The following KLHL3 variants were observed in gnomAD, a reference collection of about 807,000 sequenced individuals.
KLHL3 encodes the protein kelch like family member 3.
A neutral mutation model predicts 70.5 loss-of-function variants in KLHL3; 19 were observed. The ratio of observed to expected loss-of-function variants is 0.27; its 90% CI spans 0.19 to 0.40. The LOEUF (loss-of-function observed/expected upper bound fraction) is 0.40, where lower values mean the gene tolerates loss of function less well. Ranked by LOEUF, KLHL3 falls within the 10% of genes least tolerant of loss-of-function variation. KLHL3 has a pLI of 1.00. For missense variants in KLHL3, 512 were observed against 771.1 expected (o/e 0.66, Z 3.98); for synonymous variants, 258 against 290.3 (o/e 0.89, Z 1.13).
At chr5:137,707,687 A>G (rs982429702) in intron 3 of KLHL3, 1 of 154,316 alleles carries the variant, frequency 6.5e-6, no homozygotes, top group African/African-American at 2.4e-5. Context: ...AACCAGGTTT[A>G]ATGGAAGGCT....
chr5:137,706,321 C>T (rs1161424374), intron 3 of KLHL3: 5 of 985,282 alleles, frequency 5.1e-6, no homozygotes, highest in South Asian at 9.4e-5. Flanking sequence ...GCATTTTACA[C>T]GTTTTGAAGC....
intron 4 of KLHL3, among the ~76,000 whole-genome samples, chr5:137,695,302 C>T (rs897323451): frequency 1.3e-5 from 2 of 152,224 alleles, no homozygotes; most frequent in African/African-American, 2.4e-5. Flanking sequence ...TACCTCTCCA[C>T]ACCCCTTATC....
intron 12 of KLHL3, among the ~76,000 whole-genome samples, chr5:137,631,207 A>ACT (rs1286933635): frequency 1.3e-5 from 2 of 152,152 alleles, no homozygotes; most frequent in Non-Finnish European, 2.9e-5. Context: ...CACAGGAACC[A>ACT]GCAGTAAAGA....
chr5:137,642,048 A>G (rs543199500), intron 8 of KLHL3, among the ~76,000 whole-genome samples: 1 of 152,336 alleles, frequency 6.6e-6, no homozygotes, highest in East Asian at 1.9e-4. Context: ...GTTAATGAAC[A>G]CAGCCCCTTG....
chr5:137,630,305 G>A (rs1750602001), intron 12 of KLHL3, among the ~76,000 whole-genome samples: 1 of 152,192 alleles, frequency 6.6e-6, no homozygotes, highest in African/African-American at 2.4e-5. Flanking sequence ...TCACCCTCCA[G>A]GTCCTCCAGT....
chr5:137,701,286 G>A (rs35428496), intron 3 of KLHL3, among the ~76,000 whole-genome samples: 3,463 of 152,148 alleles, frequency 0.023, 64 homozygotes, highest in Non-Finnish European at 0.03. Context: ...GACCTCAGAC[G>A]ATCTGTCCTC....
intron 5 of KLHL3, among the ~76,000 whole-genome samples, chr5:137,684,154 A>G (rs1176893712): frequency 6.6e-6 from 1 of 152,224 alleles, no homozygotes; most frequent in East Asian, 1.9e-4. Context: ...ATCTTGGACA[A>G]GTTACTAAAC....
rs372903726 is a variant in KLHL3 at position 137,728,980 on chromosome 5, TA to T, written c.14+6652del. On this transcript the variant is annotated intron_variant, in intron 1 of 14. Transcript: ENST00000309755. ...GTACCCCTGAACCTAAAATAAAAGTTAAAAAAAAAAAAAAGAAAAGAAAAAA... is the reference window on the plus strand; with the variant it reads ...GTACCCCTGAACCTAAAATAAAAGTTAAAAAAAAAAAAAGAAAAGAAAAAA... 8.0e-3 allele frequency among the ~76,000 whole-genome samples: 1,028 copies of T among 127,702 alleles called. 4 individuals carry two copies. Among genetic ancestry groups the T allele is most frequent in the African/African-American group, 0.017 (591 of 34,972 alleles). 83.8% of individuals were successfully genotyped at this position (127,702 alleles called of 152,430 possible). A position where few individuals can be genotyped will look rare whatever the true frequency, so the allele number is the denominator to read the frequency against.
Position 137,698,301 on chromosome 5 carries a change from C to T in KLHL3, c.349G>A (p.Glu117Lys), listed in dbSNP as rs1752492974. Residue 117 changes from glutamate (E) to lysine (K), a missense_variant, in exon 4 of 15, where the codon GAA becomes AAA. Transcript: ENST00000309755. ...YIYTAEIEVT[E>K]ENVQVLLPAA... ...CCTGAGTTTACCTGGACATTCTCTT[C>T]AGTCACCTCGATTTCAGCAGTATAG... is the stretch of plus-strand genomic sequence containing the variant. 6.2e-7 allele frequency: 1 copy of T among 1,614,096 alleles called. No individual in the cohort carries two copies. Among genetic ancestry groups the T allele is most frequent in the African/African-American group, 1.3e-5 (1 of 74,948 alleles).
At chr5:137,653,544 A>G (rs1751262077) in intron 8 of KLHL3, among the ~76,000 whole-genome samples, 1 of 152,244 alleles carries the variant, frequency 6.6e-6, no homozygotes, top group African/African-American at 2.4e-5. Context: ...TATTAAAACC[A>G]TAGTGAGATA....
At chr5:137,658,354 G>T in intron 7 of KLHL3, 74 bp from the exon 8 acceptor site, 1 of 1,416,760 alleles carries the variant, frequency 7.1e-7, no homozygotes, top group Non-Finnish European at 1.0e-6. Context: ...CCTGGGCTCA[G>T]TCATTCCTGC....
intron 8 of KLHL3, among the ~76,000 whole-genome samples, chr5:137,656,205 C>G (rs1751341124): frequency 1.5e-5 from 2 of 130,732 alleles, no homozygotes; most frequent in Admixed American, 7.4e-5. Context: ...GAAATGTTTA[C>G]ATTACAAAAA....
At chr5:137,665,363 G>C (rs2149899998) in intron 6 of KLHL3, among the ~76,000 whole-genome samples, 1 of 152,218 alleles carries the variant, frequency 6.6e-6, no homozygotes. Context: ...AATTTCATTG[G>C]TATGATAATT....
At chr5:137,672,374 A>G (rs1363449865) in intron 6 of KLHL3, among the ~76,000 whole-genome samples, 1 of 152,232 alleles carries the variant, frequency 6.6e-6, no homozygotes, top group Non-Finnish European at 1.5e-5. Flanking sequence ...CCTGGGAGAC[A>G]AGGGCCCAGT....
chr5:137,661,888 G>A (rs750104135), intron 7 of KLHL3, 27 bp downstream of exon 7: 20 of 1,266,564 alleles, frequency 1.6e-5, no homozygotes, highest in Middle Eastern at 3.7e-4. Flanking sequence ...GAACACAGAA[G>A]TGCTTGGCTC....
chr5:137,669,611 TG>T (rs1177899303), intron 6 of KLHL3, among the ~76,000 whole-genome samples: 3 of 151,084 alleles, frequency 2.0e-5, no homozygotes, highest in East Asian at 3.9e-4. Context: ...TGAAGCACAA[TG>T]GTTTGATAGA....
intron 6 of KLHL3, among the ~76,000 whole-genome samples, chr5:137,667,394 CAAAG>C (rs1361150687): frequency 6.6e-6 from 1 of 152,206 alleles, no homozygotes; most frequent in Non-Finnish European, 1.5e-5. Flanking sequence ...ACTTTTTAAA[CAAAG>C]AAATAGCCCC....
intron 1 of KLHL3, among the ~76,000 whole-genome samples, chr5:137,734,613 T>C (rs1258054695): frequency 6.6e-6 from 1 of 152,188 alleles, no homozygotes; most frequent in African/African-American, 2.4e-5. Flanking sequence ...GTTGAGCCTA[T>C]TATTGTTAAC....
intron 13 of KLHL3, among the ~76,000 whole-genome samples, chr5:137,626,214 T>G (rs1293470718): frequency 1.3e-5 from 2 of 152,176 alleles, no homozygotes; most frequent in African/African-American, 4.8e-5. Flanking sequence ...AGACCCCTCT[T>G]TAATGGAAAG....
Sources: gnomAD v4.1 joint callset for allele counts (sites outside exome capture counted in the v4.1 genomes callset) on GRCh38, gnomAD v4.1.1 for gene constraint, MANE v1.5 for transcripts, NCBI Gene and HGNC (gene_info 2026-07-23, HGNC 2026-07-21) for gene names.